Variants in DNAH7 observed in about 807,000 individuals in gnomAD.
DNAH7 encodes dynein axonemal heavy chain 7.
DNAH7 carries 397 observed loss-of-function variants against 444.6 expected under a neutral mutation model. The observed-to-expected ratio is 0.89, with a 90% CI of 0.82 to 0.97. The LOEUF (loss-of-function observed/expected upper bound fraction) is 0.97. DNAH7 is among the 50% of genes least tolerant of loss of function. The pLI is 0.00. For missense variants in DNAH7, 4,902 were observed against 4,800.8 expected, an observed-to-expected ratio of 1.02 and a Z score of -0.62; for synonymous variants, 1,636 against 1,624.4, an observed-to-expected ratio of 1.01 and a Z score of -0.17.
chr2:196,021,188 A>T (rs1235393597), intron 8 of DNAH7, among the ~76,000 whole-genome samples: 4 of 152,138 alleles, frequency 2.6e-5, no homozygotes. Flanking sequence ...GCTAGTTGCT[A>T]TGGGGATTAA....
rs756832849 is a variant in DNAH7, at chr2:195,891,710, T to C, written c.4991A>G (p.His1664Arg). 6.8e-6 allele frequency: 11 copies of C among 1,608,354 alleles called. No homozygotes were observed. The highest frequency in any genetic ancestry group is 2.5e-6 in the Non-Finnish European group (3 of 1,177,564). The change falls in exon 31 of 65, where the codon CAT becomes CGT. Residue 1664 changes from histidine to arginine, a missense_variant. By Grantham distance (29) the His-to-Arg change is conservative (BLOSUM62 0). Coordinates refer to ENST00000312428, the MANE Select transcript of DNAH7 (RefSeq NM_018897.3). ...AGCAAGGACCCCATCAGACCATTCA[T>C]GGGACACTGAATCAAACTGTCCGTA... The part of the protein sequence containing the change: ...QLYGQFDSVS[H>R]EWSDGVLAVS...
intron 15 of DNAH7, among the ~76,000 whole-genome samples, chr2:195,977,396 A>G (rs567033666): frequency 6.6e-6 from 1 of 152,322 alleles, no homozygotes; most frequent in East Asian, 1.9e-4. Context: ...AGAGTTTATC[A>G]AAAAGAAGAA....
intron 19 of DNAH7, among the ~76,000 whole-genome samples, chr2:195,950,873 A>AAAAC (rs1690200097): frequency 6.7e-6 from 1 of 149,184 alleles, no homozygotes; most frequent in Admixed American, 6.7e-5. Context: ...AAAAAAAAAA[A>AAAAC]AAAAAACCCA....
At chr2:195,787,221 A>G (rs188177453) in intron 57 of DNAH7, 50 bp from the exon 58 acceptor site, 4 of 1,529,942 alleles carry the variant, frequency 2.6e-6, no homozygotes, top group Non-Finnish European at 2.6e-6. Context: ...CATATATTGC[A>G]TTATATTTAC....
chr2:196,010,690 AATAG>A (rs1335098708), intron 10 of DNAH7, among the ~76,000 whole-genome samples: 3 of 152,210 alleles, frequency 2.0e-5, no homozygotes, highest in Middle Eastern at 3.2e-3. Context: ...TCAGTGGGTG[AATAG>A]ATAAAGAAAA....
chr2:195,973,575 G>A (rs1030661688), intron 15 of DNAH7, among the ~76,000 whole-genome samples: 8 of 152,070 alleles, frequency 5.3e-5, no homozygotes, highest in East Asian at 3.9e-4. Context: ...ATGTTCAAGC[G>A]ATTCTCCTGC....
At position 195,876,584 on chromosome 2, in the gene DNAH7, C is replaced by G; in HGVS notation, c.6077G>C (p.Arg2026Thr). Residue 2026 changes from arginine (R) to threonine (T), a missense_variant, in exon 37 of 65, where the codon AGA (arginine) becomes ACA (threonine). Arg to Thr is a moderately conservative substitution (Grantham distance 71). Transcript: ENST00000312428. Reference sequence around the variant, plus strand: ...AGGAGGACCAAAAACTCCCTTTCTTCTCTTGTCCAATTTTGACATGACAAT... The same window carrying G: ...AGGAGGACCAAAAACTCCCTTTCTTGTCTTGTCCAATTTTGACATGACAAT... ...QNIVMSKLDK[R>T]RKGVFGPPLG... The G allele has an allele frequency of 8.1e-6, 13 of 1,613,952 alleles. No homozygotes were observed. The highest frequency in any genetic ancestry group is 1.1e-5 in the Non-Finnish European group (13 of 1,179,916).
At chr2:195,780,723 C>G (rs1477689431) in intron 58 of DNAH7, among the ~76,000 whole-genome samples, 4 of 151,972 alleles carry the variant, frequency 2.6e-5, no homozygotes, top group Admixed American at 6.6e-5. Context: ...TGCACTCCAG[C>G]CTGGGCAACA....
At chr2:196,059,867 G>A (rs1286947254) in intron 1 of DNAH7, among the ~76,000 whole-genome samples, 1 of 152,092 alleles carries the variant, frequency 6.6e-6, no homozygotes, top group African/African-American at 2.4e-5. Context: ...GGAAGGGATG[G>A]CTCTTCTCTT....
At chr2:196,051,883 A>G (rs2125865258) in intron 2 of DNAH7, among the ~76,000 whole-genome samples, 1 of 152,328 alleles carries the variant, frequency 6.6e-6, no homozygotes, top group Middle Eastern at 3.4e-3. Flanking sequence ...TTCTTTCAGA[A>G]CAACTTGTAT....
At chr2:195,785,186 C>T (rs1157188589) in intron 58 of DNAH7, among the ~76,000 whole-genome samples, 4 of 152,330 alleles carry the variant, frequency 2.6e-5, no homozygotes, top group African/African-American at 9.6e-5. Context: ...GCTGGGATTA[C>T]AGGCGTGAGC....
rs540015933 is a variant in DNAH7, at chr2:196,023,917, A to G, written c.743+512T>C. Among the ~76,000 whole-genome samples, 7 of 152,310 alleles carry G rather than the reference A, an allele frequency of 4.6e-5. No individual in the cohort carries two copies. In the South Asian group the frequency reaches 1.0e-3, roughly 23 times the overall value. The stretch of plus-strand genomic sequence containing the variant: ...CAGGGAATTAGGGAGGCCTTAGGAA[A>G]GGAGGAGAAATGGGGGAGTGACTGG... On this transcript the variant is annotated intron_variant, in intron 8 of 64. Coordinates refer to ENST00000312428, the MANE Select transcript of DNAH7 (RefSeq NM_018897.3).
At chr2:195,753,094 AAG>A (rs769887509) in intron 63 of DNAH7, among the ~76,000 whole-genome samples, 3 of 152,196 alleles carry the variant, frequency 2.0e-5, no homozygotes, top group African/African-American at 4.8e-5. Flanking sequence ...TTATTCCTGA[AAG>A]AGAGGGCACA....
chr2:195,754,837 A>G (rs1693995102), intron 62 of DNAH7, among the ~76,000 whole-genome samples: 3 of 152,186 alleles, frequency 2.0e-5, no homozygotes, highest in Non-Finnish European at 2.9e-5. Flanking sequence ...TGAATACAAC[A>G]CTACTTAATA....
chr2:195,808,917 C>T, intron 52 of DNAH7, 41 bp from the exon 53 acceptor site: 1 of 1,550,262 alleles, frequency 6.5e-7, no homozygotes, highest in African/African-American at 1.4e-5. Context: ...GAAACGAGTT[C>T]ATCATAAACT....
rs781176906 is a variant in DNAH7, at chr2:195,738,114, G to A, written c.11882C>T (p.Pro3961Leu). 2.6e-5 allele frequency: 42 copies of A among 1,613,586 alleles called. No homozygotes were observed. The Admixed American group carries it at 6.8e-4, about 26-fold the overall frequency. Residue 3961 changes from proline to leucine, a missense_variant, in exon 65 of 65, where the codon CCC becomes CTC. Transcript: ENST00000312428. ...YDTVPVMWLK[P>L]CKRADIPKRP... ...TTTTGGTATATCTGCCCTCTTACAG[G>A]GCTTTAGCCACATCTGGAAGAAAGT... is the stretch of plus-strand genomic sequence containing the variant.
chr2:195,878,483 C>G (rs1384256615), intron 36 of DNAH7, among the ~76,000 whole-genome samples: 1 of 152,006 alleles, frequency 6.6e-6, no homozygotes, highest in Non-Finnish European at 1.5e-5. Flanking sequence ...GCCTGTAGTC[C>G]CAGCTACTTG....
intron 45 of DNAH7, among the ~76,000 whole-genome samples, chr2:195,853,905 C>T (rs2125048400): frequency 6.6e-6 from 1 of 152,144 alleles, no homozygotes; most frequent in South Asian, 2.1e-4. Context: ...AAACATTTTC[C>T]CCTCATTTAA....
rs200662508 is a variant in DNAH7 at position 195,771,752 on chromosome 2, T to G, written c.11341A>C (p.Met3781Leu). 6.2e-7 allele frequency: 1 copy of G among 1,614,106 alleles called. No homozygotes were observed. The highest frequency in any genetic ancestry group is 8.5e-7 in the Non-Finnish European group (1 of 1,180,040). The change falls in exon 61 of 65, where the codon ATG (methionine) becomes CTG (leucine). Residue 3781 changes from methionine to leucine, a missense_variant. Transcript: ENST00000312428. Reference protein sequence around the residue: ...RRYPTTYTQSMNTVLVQEMGR... With the variant: ...RRYPTTYTQSLNTVLVQEMGR... Reference sequence around the variant, plus strand: ...ATCTCTTGGACAAGTACAGTGTTCATGCTCTGAGTATAAGTTGTTGGGTAC... The same window carrying G: ...ATCTCTTGGACAAGTACAGTGTTCAGGCTCTGAGTATAAGTTGTTGGGTAC...
Sources: allele counts gnomAD v4.1 joint callset (sites outside exome capture counted in the v4.1 genomes callset), GRCh38; gene constraint gnomAD v4.1.1; transcripts MANE v1.5; gene names NCBI Gene and HGNC (gene_info 2026-07-23, HGNC 2026-07-21).